Variants in ARID1B observed in about 807,000 individuals in gnomAD.
The protein encoded by ARID1B is AT-rich interactive domain-containing protein 1B.
In ARID1B, 30 loss-of-function variants were observed where a neutral mutation model predicts 212.3. The ratio of observed to expected loss-of-function variants is 0.14; its 90% CI spans 0.11 to 0.19. The LOEUF (loss-of-function observed/expected upper bound fraction) is 0.19, where lower values mean the gene tolerates loss of function less well. Among genes scored for constraint, ARID1B ranks in the 10% least tolerant of loss-of-function variants. ARID1B has a pLI of 1.00. For synonymous variants in ARID1B, 1,402 were observed against 1,301.7 expected (o/e 1.08, Z -1.66); for missense variants, 2,891 against 3,204.0 (o/e 0.90, Z 2.36).
intron 1 of ARID1B, among the ~76,000 whole-genome samples, chr6:156,828,716 A>G (rs776007935): frequency 1.3e-5 from 2 of 152,254 alleles, no homozygotes; most frequent in Non-Finnish European, 2.9e-5. Context: ...GGACATATGC[A>G]TGATCTAAAA....
chr6:156,846,727 GT>G (rs1039851130), intron 2 of ARID1B, among the ~76,000 whole-genome samples: 10 of 152,154 alleles, frequency 6.6e-5, no homozygotes, highest in South Asian at 2.1e-4. Flanking sequence ...TTTTAACTGA[GT>G]CCCCGTTTTC....
Position 157,206,817 on chromosome 6 carries a change from A to C in ARID1B, c.6045A>C (p.Ala2015=), listed in dbSNP as rs1342353189. The C allele has an allele frequency of 6.2e-7, 1 of 1,613,982 alleles. No homozygotes were observed. The highest frequency in any genetic ancestry group is 1.3e-5 in the African/African-American group (1 of 74,936). ...SARPGALPED[A]NPGPQTESSK... ...GGCCAGGGGCATTGCCTGAAGACGC[A>C]AACCCTGGGCCCCAGACCGAAAGCA... The change falls in exon 20 of 20, where the codon GCA becomes GCC. Residue 2015 remains alanine (A), a synonymous_variant. Coordinates refer to ENST00000636930, the MANE Select transcript of ARID1B (RefSeq NM_001374828.1). The surrounding 1 kb of genome is among the most constrained non-coding windows in gnomAD (Gnocchi z 6.8).
chr6:157,095,881 C>T (rs775073869), intron 5 of ARID1B, among the ~76,000 whole-genome samples: 3 of 152,148 alleles, frequency 2.0e-5, no homozygotes, highest in South Asian at 2.1e-4. Flanking sequence ...TTAAGAGAAG[C>T]GAGCCTCAGT....
chr6:156,907,714 T>G (rs1789512531), intron 3 of ARID1B, among the ~76,000 whole-genome samples: 1 of 148,290 alleles, frequency 6.7e-6, no homozygotes, highest in South Asian at 2.1e-4. Flanking sequence ...CTGGTCAACA[T>G]GGTGAAATCC....
intron 4 of ARID1B, among the ~76,000 whole-genome samples, chr6:156,969,714 C>T (rs575071294): frequency 7.2e-5 from 11 of 152,106 alleles, no homozygotes; most frequent in Non-Finnish European, 1.2e-4. Flanking sequence ...TTGATTCATA[C>T]GAGCTTTATA....
intron 2 of ARID1B, among the ~76,000 whole-genome samples, chr6:156,837,525 A>G (rs761849156): frequency 6.6e-6 from 1 of 152,198 alleles, no homozygotes; most frequent in Non-Finnish European, 1.5e-5. Context: ...CTAAAGGTAA[A>G]AAGTTTTTCT....
intron 2 of ARID1B, among the ~76,000 whole-genome samples, chr6:156,848,312 C>A (rs1784358986): frequency 6.6e-6 from 1 of 152,194 alleles, no homozygotes; most frequent in African/African-American, 2.4e-5. Context: ...CTAAAAACAA[C>A]AACAGCAAAC....
chr6:157,014,784 C>T (rs1257730225), intron 4 of ARID1B, among the ~76,000 whole-genome samples: 1 of 151,584 alleles, frequency 6.6e-6, no homozygotes, highest in African/African-American at 2.4e-5. Context: ...GCATCTAGAG[C>T]CATTAAATTT....
chr6:157,056,951 G>A (rs1330118581), intron 4 of ARID1B, among the ~76,000 whole-genome samples: 1 of 150,910 alleles, frequency 6.6e-6, no homozygotes, highest in African/African-American at 2.4e-5. Flanking sequence ...TTGTTGTGTA[G>A]GTAAGCATGC....
intron 4 of ARID1B, among the ~76,000 whole-genome samples, chr6:157,061,152 T>C (rs1375504063): frequency 6.6e-6 from 1 of 152,230 alleles, no homozygotes; most frequent in Non-Finnish European, 1.5e-5. Context: ...AATTCTTTAA[T>C]TGTAATATAT....
In ARID1B at chr6:157,148,707, A is replaced by C; in HGVS notation, c.2845A>C (p.Asn949His). 3 of 1,613,064 alleles carry C rather than the reference A, an allele frequency of 1.9e-6. No individual in the cohort carries two copies. The highest frequency in any genetic ancestry group is 2.5e-6 in the Non-Finnish European group (3 of 1,179,902). Residue 949 changes from asparagine to histidine, a missense_variant, in exon 8 of 20, where the codon AAC (asparagine) becomes CAC (histidine). Physicochemically the swap from Asn to His is moderately conservative, Grantham distance 68 (BLOSUM62 1). Transcript: ENST00000636930. The surrounding 1 kb of genome is among the most constrained non-coding windows in gnomAD (Gnocchi z 5.6). ...AGGGCCCGGTATGGGTATCAGTGCC[A>C]ACAACCAGATGCATGGACAAGGGCC... is the stretch of plus-strand genomic sequence containing the variant. ...GPGPGMGISANNQMHGQGPSQ... is the reference protein window; with the variant it reads ...GPGPGMGISAHNQMHGQGPSQ...
intron 6 of ARID1B, among the ~76,000 whole-genome samples, chr6:157,116,409 C>A (rs1001193211): frequency 2.7e-5 from 4 of 150,496 alleles, no homozygotes; most frequent in African/African-American, 9.8e-5. Flanking sequence ...CATGTTAATG[C>A]CGGTGATTTT....
chr6:156,832,305 C>T (rs144878943), intron 2 of ARID1B, among the ~76,000 whole-genome samples: 1 of 152,304 alleles, frequency 6.6e-6, no homozygotes. Flanking sequence ...CTGTGATTGG[C>T]TGCTGGTCCC....
intron 8 of ARID1B, 50 bp downstream of exon 8, chr6:157,149,001 G>A (rs778797929): frequency 3.2e-5 from 49 of 1,533,538 alleles, no homozygotes; most frequent in Non-Finnish European, 3.5e-5. Context: ...GTGTCTACCC[G>A]TGACCACGTG....
Position 156,779,448 on chromosome 6 carries a change from G to C in ARID1B, c.1768G>C (p.Gly590Arg), listed in dbSNP as rs1488190042. The C allele has an allele frequency of 1.4e-6, 2 of 1,455,374 alleles. No individual in the cohort carries two copies. The highest frequency in any genetic ancestry group is 1.8e-6 in the Non-Finnish European group (2 of 1,099,882). The allele number at this position is 1,455,374 out of a possible 1,614,324, so 90.2% of individuals were successfully genotyped here. Residue 590 changes from glycine (G) to arginine (R), a missense_variant, in exon 1 of 20, where the codon GGA becomes CGA. Gly to Arg is a moderately radical substitution (Grantham distance 125). Around this residue, in one of 7 missense-constraint regions of ARID1B, gnomAD observed 1,643 missense variants for 1,544.0 expected, o/e 1.06. Transcript: ENST00000636930. ...SHPAMSPGTP[G>R]PTMGRSQGSP... ...CCCGGCGATGAGCCCCGGCACCCCC[G>C]GACCGACCATGGGCAGATCCCAGGT...
intron 2 of ARID1B, among the ~76,000 whole-genome samples, chr6:156,853,913 T>C (rs1338639123): frequency 6.6e-6 from 1 of 152,100 alleles, no homozygotes; most frequent in Non-Finnish European, 1.5e-5. Context: ...TTTCATTTTT[T>C]GTGGAGATGG....
At chr6:156,776,304 G>A (rs1391836001), upstream of ARID1B, 5 of 152,136 alleles carry the variant, frequency 3.3e-5, no homozygotes, top group Admixed American at 2.0e-4. Flanking sequence ...ATTATAAAAT[G>A]TTAATAGACA....
chr6:156,836,651 C>T (rs568539374), intron 2 of ARID1B, among the ~76,000 whole-genome samples: 1 of 152,138 alleles, frequency 6.6e-6, no homozygotes, highest in African/African-American at 2.4e-5. Flanking sequence ...AATGTCTTTT[C>T]ATTTCAGTAT....
intron 2 of ARID1B, among the ~76,000 whole-genome samples, chr6:156,870,778 GT>G (rs1036874089): frequency 8.6e-5 from 13 of 151,324 alleles, no homozygotes; most frequent in African/African-American, 2.7e-4. Context: ...TAATTCTGTC[GT>G]ATTGCACATT....
Sources: gnomAD v4.1 joint callset for allele counts (sites outside exome capture counted in the v4.1 genomes callset) on GRCh38, gnomAD v4.1.1 for gene constraint, gnomAD v4.1.1 regional missense constraint, Gnocchi (gnomAD v3.1) non-coding constraint, MANE v1.5 for transcripts, NCBI Gene and HGNC (gene_info 2026-07-23, HGNC 2026-07-21) for gene names.